CBX1: variants seen among roughly 807,000 people sequenced by gnomAD.
CBX1 encodes the protein chromobox 1.
A neutral mutation model predicts 25.1 loss-of-function variants in CBX1; 10 were observed. The ratio of observed to expected loss-of-function variants is 0.40; its 90% CI spans 0.25 to 0.68. The LOEUF is 0.68. CBX1 is among the 30% of genes least tolerant of loss of function. The pLI is 0.40. For missense variants in CBX1, 106 were observed against 218.5 expected (o/e 0.49, Z 3.25); for synonymous variants, 63 against 79.4 (o/e 0.79, Z 1.10).
At chr17:48,091,116 T>C (rs2063341643) in intron 1 of CBX1, among the ~76,000 whole-genome samples, 1 of 152,242 alleles carries the variant, frequency 6.6e-6, no homozygotes, top group Non-Finnish European at 1.5e-5. Context: ...TAGGGAATAG[T>C]TGGTTTGAAA....
chr17:48,075,591 G>A (rs1167472688), intron 3 of CBX1, among the ~76,000 whole-genome samples: 3 of 152,104 alleles, frequency 2.0e-5, no homozygotes, highest in East Asian at 1.9e-4. Flanking sequence ...TGTCTGAAGC[G>A]CATGAGATTT....
intron 3 of CBX1, 152 bp downstream of exon 3, chr17:48,075,849 T>C (rs2037670032): frequency 1.8e-6 from 1 of 561,936 alleles, no homozygotes; most frequent in Non-Finnish European, 3.1e-6. Context: ...TGTGGCTTCA[T>C]GACAGTACAC....
At position 48,076,848 on chromosome 17, in the gene CBX1, G is replaced by A. The variant is rs748612783; in HGVS notation, c.140+17C>T. The A allele has an allele frequency of 1.2e-6, 2 of 1,604,948 alleles. No homozygotes were observed. Among genetic ancestry groups the A allele is most frequent in the Non-Finnish European group, 1.7e-6 (2 of 1,176,316 alleles). ...AAACACGTGGTGGCTACATTTACCTGTGTCAGTGAAACTTACTCTGAGAAT... is the reference window on the plus strand; with the variant it reads ...AAACACGTGGTGGCTACATTTACCTATGTCAGTGAAACTTACTCTGAGAAT... On this transcript the variant is annotated intron_variant, in intron 2 of 4. Coordinates refer to ENST00000225603, the MANE Select transcript of CBX1 (RefSeq NM_001127228.2).
chr17:48,099,138 G>A (rs1284013533), intron 1 of CBX1, among the ~76,000 whole-genome samples: 1 of 152,084 alleles, frequency 6.6e-6, no homozygotes. Context: ...GTCTCGCTCT[G>A]TTGCCCGGGC....
intron 1 of CBX1, among the ~76,000 whole-genome samples, chr17:48,087,410 C>A (rs1046708554): frequency 6.6e-6 from 1 of 150,636 alleles, no homozygotes; most frequent in Non-Finnish European, 1.5e-5. Flanking sequence ...CCAGTCTCTA[C>A]TAAAAATACA....
In CBX1 at chr17:48,070,725, T is replaced by C. The variant is rs551637293; in HGVS notation, c.*710A>G. The C allele has an allele frequency of 5.9e-5, 9 of 152,824 alleles. No homozygotes were observed. The highest frequency in any genetic ancestry group is 4.1e-4 in the South Asian group (2 of 4,828). 9.5% of individuals were successfully genotyped at this position (152,824 alleles called of 1,614,324 possible). On this transcript the variant is annotated 3_prime_UTR_variant, in exon 5 of 5. Transcript: ENST00000225603. ...CCAAAATGGCAACTTTGGTAACTTA[T>C]GAACAGGCTTAGTCCTTTGTGGGAA...
chr17:48,095,759 G>A (rs1389365938), intron 1 of CBX1: 1 of 152,228 alleles, frequency 6.6e-6, no homozygotes, highest in Non-Finnish European at 1.5e-5. Flanking sequence ...ATATTCAGGT[G>A]GTAGTCTTGT....
Position 48,077,051 on chromosome 17 carries a change from TAAATG to T in CBX1, c.-37-15_-37-11del, listed in dbSNP as rs757618610. 6.3e-7 allele frequency: 1 copy of T among 1,576,340 alleles called. No homozygotes were observed. Among genetic ancestry groups the T allele is most frequent in the Non-Finnish European group, 8.6e-7 (1 of 1,163,150 alleles). On this transcript the variant is annotated splice_polypyrimidine_tract_variant and intron_variant, in intron 1 of 4. Coordinates refer to ENST00000225603, the MANE Select transcript of CBX1 (RefSeq NM_001127228.2). ...GTAAAGGGTGACGCTGCTAAAATGA[TAAATG>T]AAATAAAAAGGGCATTAGGGAGCAC...
chr17:48,073,749 C>T lies in CBX1; in HGVS notation c.413+1257G>A, dbSNP rs2037647589. 2.0e-5 allele frequency among the ~76,000 whole-genome samples: 3 copies of T among 147,752 alleles called. No individual in the cohort carries two copies. In the East Asian group the frequency reaches 6.0e-4, roughly 29 times the overall value. ...GGCTGAGGCAGAAGAATCATTGAAC[C>T]CGGAGGGGCGGAGGTTGCAGTGAGC... is the stretch of plus-strand genomic sequence containing the variant. On this transcript the variant is annotated intron_variant, in intron 4 of 4. Coordinates refer to ENST00000225603, the MANE Select transcript of CBX1 (RefSeq NM_001127228.2).
intron 1 of CBX1, among the ~76,000 whole-genome samples, chr17:48,090,413 A>G (rs2063338308): frequency 6.6e-6 from 1 of 152,194 alleles, no homozygotes; most frequent in African/African-American, 2.4e-5. Flanking sequence ...CAAGACAAAA[A>G]TATGGGAATC....
At chr17:48,077,157 A>G (rs903912117) in intron 1 of CBX1, 116 bp from the exon 2 acceptor site, 1 of 753,986 alleles carries the variant, frequency 1.3e-6, no homozygotes, top group Non-Finnish European at 2.1e-6. Context: ...TGCTGCTTAT[A>G]GTAAGTGTTA....
intron 1 of CBX1, among the ~76,000 whole-genome samples, chr17:48,093,239 C>T (rs186899210): frequency 9.2e-4 from 138 of 149,928 alleles, no homozygotes; most frequent in African/African-American, 3.3e-3. Context: ...CACGACACTG[C>T]ATTCCAGCCT....
intron 1 of CBX1, 164 bp downstream of exon 1, chr17:48,101,104 G>A (rs941064136): frequency 2.0e-6 from 2 of 986,578 alleles, no homozygotes; most frequent in Non-Finnish European, 2.4e-6. Context: ...CTCAGCGACA[G>A]GCGAAGAGCT....
rs571475448 is a variant in CBX1 at position 48,094,576 on chromosome 17, C to CA, written c.-38+6691dup. On this transcript the variant is annotated intron_variant, in intron 1 of 4. Coordinates refer to ENST00000225603, the MANE Select transcript of CBX1 (RefSeq NM_001127228.2). ...TGAAACCCCGTGTCTACTAAAAATA[C>CA]AAAAAAAAAATTAGCCAGCATGGCG... 1.7e-3 allele frequency among the ~76,000 whole-genome samples: 250 copies of CA among 147,178 alleles called. 3 individuals are homozygous for CA. The highest frequency in any genetic ancestry group is 8.1e-3 in the South Asian group (38 of 4,676).
At chr17:48,073,619 G>T (rs368046566) in intron 4 of CBX1, among the ~76,000 whole-genome samples, 1 of 152,098 alleles carries the variant, frequency 6.6e-6, no homozygotes, top group East Asian at 1.9e-4. Flanking sequence ...CTGAGGTCAG[G>T]AGTTTGAGAC....
chr17:48,085,223 T>G (rs546854281), intron 1 of CBX1, among the ~76,000 whole-genome samples: 1 of 152,338 alleles, frequency 6.6e-6, no homozygotes, highest in South Asian at 2.1e-4. Flanking sequence ...ATTATCTCAT[T>G]TAATCTTCAA....
intron 1 of CBX1, 185 bp downstream of exon 1, chr17:48,101,083 G>A (rs2063407487): frequency 4.1e-6 from 4 of 986,340 alleles, no homozygotes; most frequent in Non-Finnish European, 4.8e-6. Context: ...TCACGCAGCT[G>A]GCACCGACGC....
intron 3 of CBX1, 147 bp from the exon 4 acceptor site, chr17:48,075,247 T>TGTA (rs1172578589): frequency 9.9e-6 from 6 of 604,354 alleles, no homozygotes; most frequent in Non-Finnish European, 1.8e-5. Context: ...CAGGCTGGAG[T>TGTA]GCAGTGGTGC....
At chr17:48,096,971 T>C (rs1425863286) in intron 1 of CBX1, among the ~76,000 whole-genome samples, 1 of 151,700 alleles carries the variant, frequency 6.6e-6, no homozygotes, top group Admixed American at 6.6e-5. Flanking sequence ...CCACCACAAG[T>C]TGGGCGTGGT....
Sources: gnomAD v4.1 joint callset for allele counts (sites outside exome capture counted in the v4.1 genomes callset) on GRCh38, gnomAD v4.1.1 for gene constraint, MANE v1.5 for transcripts, NCBI Gene and HGNC (gene_info 2026-07-23, HGNC 2026-07-21) for gene names.